Variants in PCDHA2 observed in about 807,000 individuals in gnomAD.
PCDHA2 encodes the protein protocadherin alpha-2.
Under a neutral mutation model 66.0 loss-of-function variants are expected in PCDHA2, and 58 were observed. The observed-to-expected ratio is 0.88, with a 90% CI of 0.71 to 1.09. PCDHA2 has a LOEUF of 1.09. PCDHA2 is among the 50% of genes least tolerant of loss of function. The probability of loss-of-function intolerance (pLI) is 0.00; values close to 1 mark genes in which losing one functional copy is unlikely to be tolerated. For missense variants in PCDHA2, 1,267 were observed against 1,242.3 expected (o/e 1.02, Z -0.30); for synonymous variants, 634 against 554.0 (o/e 1.14, Z -2.03).
chr5:140,796,750 G>T lies in PCDHA2; in HGVS notation c.1786G>T (p.Ala596Ser), dbSNP rs1554120081. 6 of 1,614,146 alleles carry T rather than the reference G, an allele frequency of 3.7e-6. No individual in the cohort carries two copies. Among genetic ancestry groups the T allele is most frequent in the East Asian group, 2.2e-5 (1 of 44,882 alleles). ...GAGHVVAKVR[A>S]VDADSGYNAW... ...AGGGCACGTGGTGGCGAAGGTGCGC[G>T]CAGTGGACGCTGACTCAGGCTACAA... is the stretch of plus-strand genomic sequence containing the variant. The change falls in exon 1 of 4, where the codon GCA (alanine) becomes TCA (serine). Residue 596 changes from alanine to serine, a missense_variant. Transcript: ENST00000526136.
chr5:140,928,473 C>T (rs782009999), intron 1 of PCDHA2: 1 of 1,613,978 alleles, frequency 6.2e-7, no homozygotes, highest in Admixed American at 1.7e-5. Context: ...AAGTAGAAGG[C>T]CGGGATGGTG....
At chr5:140,823,986 T>C (rs782505154) in intron 1 of PCDHA2, 1 of 1,613,742 alleles carries the variant, frequency 6.2e-7, no homozygotes, top group Non-Finnish European at 8.5e-7. Flanking sequence ...GCAAGCCCAC[T>C]CTGTTGTGCT....
intron 1 of PCDHA2, among the ~76,000 whole-genome samples, chr5:140,950,508 C>T (rs1442075303): frequency 6.6e-6 from 1 of 152,016 alleles, no homozygotes; most frequent in African/African-American, 2.4e-5. Context: ...TCATTATTCC[C>T]TGTGTGCGAT....
At position 140,858,191 on chromosome 5, in the gene PCDHA2, C is replaced by T. The variant is rs782250673; in HGVS notation, c.2388+60839C>T. On this transcript the variant is annotated intron_variant, in intron 1 of 3. Transcript: ENST00000526136. ...CAGCTTGCTGGTGCTCACGCTGCTG[C>T]TGTACACTGCACTGAGGTGCTCGGC... 16 of 1,597,324 alleles carry T rather than the reference C, an allele frequency of 1.0e-5. 2 individuals carry two copies. In the Admixed American group the frequency reaches 2.7e-4, roughly 27 times the overall value.
intron 1 of PCDHA2, chr5:140,808,622 G>A (rs1257156985): frequency 6.2e-7 from 1 of 1,613,710 alleles, no homozygotes; most frequent in Non-Finnish European, 8.5e-7. Flanking sequence ...CACTGTGTCT[G>A]CGTGGGACGC....
intron 3 of PCDHA2, among the ~76,000 whole-genome samples, chr5:141,004,580 A>G (rs782539696): frequency 5.3e-5 from 8 of 152,222 alleles, no homozygotes; most frequent in Non-Finnish European, 1.2e-4. Context: ...TGTGTTCTGC[A>G]TCTCCAGATG....
chr5:140,805,234 C>G (rs558765817), intron 1 of PCDHA2: 2 of 1,368,814 alleles, frequency 1.5e-6, no homozygotes, highest in Non-Finnish European at 1.9e-6. Context: ...CTGCTGCATT[C>G]CCCATCTGTA....
chr5:140,849,597 G>T lies in PCDHA2; in HGVS notation c.2388+52245G>T, dbSNP rs2150442042. 77 of 1,598,656 alleles carry T rather than the reference G, an allele frequency of 4.8e-5. 9 individuals carry two copies. Among genetic ancestry groups the T allele is most frequent in the Admixed American group, 4.4e-4 (26 of 59,274 alleles). On this transcript the variant is annotated intron_variant, in intron 1 of 3. Transcript: ENST00000526136. ...AAAAGAGGACGCACAACTGGGGACA[G>T]TTATTGCCCTGATTAGTGTGATCGA...
At chr5:140,885,543 G>A (rs1554182177) in intron 1 of PCDHA2, among the ~76,000 whole-genome samples, 2 of 152,092 alleles carry the variant, frequency 1.3e-5, no homozygotes, top group Non-Finnish European at 2.9e-5. Flanking sequence ...CAAAATATTG[G>A]TGTTATTTCT....
intron 1 of PCDHA2, chr5:140,835,550 G>A (rs2150238001): frequency 6.2e-7 from 1 of 1,613,928 alleles, no homozygotes; most frequent in South Asian, 1.1e-5. Context: ...CCTGCTCCCT[G>A]ACGCCCCGCG....
intron 1 of PCDHA2, chr5:140,968,823 A>T (rs569036779): frequency 1.2e-6 from 2 of 1,614,192 alleles, no homozygotes; most frequent in Non-Finnish European, 8.5e-7. Context: ...AGGGTTTCCA[A>T]AATCCTCCCT....
In PCDHA2 at chr5:140,884,757, TCTTTA is replaced by T. The variant is rs1486319174; in HGVS notation, c.2388+87411_2388+87415del. On this transcript the variant is annotated intron_variant, in intron 1 of 3. Transcript: ENST00000526136. ...ATCTTTCCTGCCAATTTCAAATTATTCTTTACTTTAATTTTAATTTTGCTAGTTGT... is the reference window on the plus strand; with the variant it reads ...ATCTTTCCTGCCAATTTCAAATTATTCTTTAATTTTAATTTTGCTAGTTGT... The T allele has an allele frequency of 5.5e-5, 78 of 1,427,314 alleles. 1 individual carries two copies. The highest frequency in any genetic ancestry group is 1.3e-4 in the South Asian group (8 of 61,704). The allele number at this position is 1,427,314 out of a possible 1,614,324, so 88.4% of individuals were successfully genotyped here. A position where few individuals can be genotyped will look rare whatever the true frequency, so the allele number is the denominator to read the frequency against.
chr5:140,850,870 C>T (rs2041860936), intron 1 of PCDHA2: 1 of 1,591,890 alleles, frequency 6.3e-7, no homozygotes, highest in African/African-American at 1.3e-5. Context: ...CCCTCTGCTT[C>T]CTCAGATTCA....
intron 1 of PCDHA2, among the ~76,000 whole-genome samples, chr5:140,920,560 C>T (rs1288031450): frequency 1.3e-5 from 2 of 152,168 alleles, no homozygotes; most frequent in Non-Finnish European, 2.9e-5. Flanking sequence ...AAGTGTGGCC[C>T]TTAGGCCAGG....
At chr5:140,867,661 C>A (rs940517637) in intron 1 of PCDHA2, 30 of 152,196 alleles carry the variant, frequency 2.0e-4, no homozygotes, top group African/African-American at 6.7e-4. Flanking sequence ...AAATCACTTT[C>A]TACTCTAAAA....
intron 1 of PCDHA2, among the ~76,000 whole-genome samples, chr5:140,975,707 A>C (rs1445809800): frequency 6.6e-6 from 1 of 152,204 alleles, no homozygotes; most frequent in African/African-American, 2.4e-5. Context: ...ATTTTACTTT[A>C]AATCTTAGAA....
chr5:140,837,666 T>C (rs1775190875), intron 1 of PCDHA2, among the ~76,000 whole-genome samples: 1 of 151,622 alleles, frequency 6.6e-6, no homozygotes, highest in African/African-American at 2.4e-5. Context: ...TTTCTTTCAT[T>C]CTTTTTCTTT....
intron 2 of PCDHA2, 171 bp downstream of exon 2, chr5:140,979,178 G>T: frequency 1.1e-6 from 1 of 944,140 alleles, no homozygotes; most frequent in Non-Finnish European, 1.3e-6. Flanking sequence ...GATCGCAAAT[G>T]GTCAGTGCCA....
intron 3 of PCDHA2, among the ~76,000 whole-genome samples, chr5:140,995,133 T>C (rs1397108502): frequency 6.6e-6 from 1 of 152,230 alleles, no homozygotes; most frequent in Non-Finnish European, 1.5e-5. Flanking sequence ...TGAAACCTCA[T>C]TTAGTACTGA....
Sources: allele counts gnomAD v4.1 joint callset (sites outside exome capture counted in the v4.1 genomes callset), GRCh38; gene constraint gnomAD v4.1.1; transcripts MANE v1.5; gene names NCBI Gene and HGNC (gene_info 2026-07-23, HGNC 2026-07-21).